ENPP6: variants seen among roughly 807,000 people sequenced by gnomAD.
ENPP6 encodes the protein ectonucleotide pyrophosphatase/phosphodiesterase 6.
A neutral mutation model predicts 42.0 loss-of-function variants in ENPP6; 32 were observed. That is an observed-to-expected ratio of 0.76 (90% confidence interval 0.58 to 1.02). ENPP6 has a LOEUF of 1.02. ENPP6 is among the 50% of genes least tolerant of loss of function. ENPP6 has a pLI of 0.00. For synonymous variants in ENPP6, 213 were observed against 216.0 expected (o/e 0.99, Z 0.12); for missense variants, 552 against 566.8 (o/e 0.97, Z 0.27).
At chr4:184,103,848 C>G (rs1736045144) in intron 6 of ENPP6, among the ~76,000 whole-genome samples, 1 of 152,160 alleles carries the variant, frequency 6.6e-6, no homozygotes, top group Non-Finnish European at 1.5e-5. Flanking sequence ...CAGGCCTCGG[C>G]CTGCTGGCCT....
At chr4:184,145,470 G>A (rs938551776) in intron 2 of ENPP6, among the ~76,000 whole-genome samples, 5 of 152,214 alleles carry the variant, frequency 3.3e-5, no homozygotes, top group Non-Finnish European at 5.9e-5. Context: ...GCAAGGAGAC[G>A]TGATGAAGCC....
intron 3 of ENPP6, among the ~76,000 whole-genome samples, chr4:184,122,634 C>T (rs1023149936): frequency 2.6e-5 from 4 of 152,198 alleles, no homozygotes; most frequent in Non-Finnish European, 5.9e-5. Context: ...ATTCTCATGG[C>T]TGTGTGCTCT....
intron 1 of ENPP6, among the ~76,000 whole-genome samples, chr4:184,210,339 C>A (rs1052145092): frequency 7.2e-6 from 1 of 139,584 alleles, no homozygotes; most frequent in African/African-American, 2.8e-5. Context: ...ATTCAGGAAA[C>A]CCATCTCACG....
chr4:184,180,899 TATC>T (rs757963497), intron 1 of ENPP6, among the ~76,000 whole-genome samples: 2 of 152,192 alleles, frequency 1.3e-5, no homozygotes, highest in Non-Finnish European at 2.9e-5. Flanking sequence ...GCACAGCCAA[TATC>T]ATACTGAATG....
At chr4:184,200,400 G>A (rs1265267514) in intron 1 of ENPP6, among the ~76,000 whole-genome samples, 2 of 152,166 alleles carry the variant, frequency 1.3e-5, no homozygotes, top group African/African-American at 2.4e-5. Flanking sequence ...TGTGGTGCGT[G>A]GAGGCCTCTC....
intron 2 of ENPP6, among the ~76,000 whole-genome samples, chr4:184,130,464 AG>A (rs1736581655): frequency 1.1e-5 from 1 of 88,736 alleles, no homozygotes; most frequent in Non-Finnish European, 2.5e-5. Flanking sequence ...AGGCTGAGGC[AG>A]GAGAATGGCG....
intron 7 of ENPP6, among the ~76,000 whole-genome samples, chr4:184,094,477 A>G (rs1735863392): frequency 6.6e-6 from 1 of 152,250 alleles, no homozygotes; most frequent in African/African-American, 2.4e-5. Flanking sequence ...GCGCAGGGAT[A>G]GTGCTTTGGG....
chr4:184,115,381 G>T (rs1736296023), intron 5 of ENPP6, among the ~76,000 whole-genome samples: 2 of 152,202 alleles, frequency 1.3e-5, no homozygotes, highest in Non-Finnish European at 2.9e-5. Flanking sequence ...CCAGCAGAAG[G>T]TGCCACTTGC....
intron 1 of ENPP6, among the ~76,000 whole-genome samples, chr4:184,185,368 A>G (rs886282689): frequency 6.6e-6 from 1 of 152,216 alleles, no homozygotes; most frequent in African/African-American, 2.4e-5. Context: ...CCCACGGGCA[A>G]CATCTACAAC....
chr4:184,141,087 C>T (rs1034749382), intron 2 of ENPP6, among the ~76,000 whole-genome samples: 7 of 151,900 alleles, frequency 4.6e-5, no homozygotes, highest in African/African-American at 1.7e-4. Flanking sequence ...AGGACATGAA[C>T]AGACACTTCT....
intron 7 of ENPP6, 25 bp downstream of exon 7, chr4:184,097,220 A>T: frequency 6.2e-7 from 1 of 1,613,880 alleles, no homozygotes. Context: ...GGGGTCTGAG[A>T]GCATCTGGTC....
chr4:184,205,698 C>T (rs1417968843), intron 1 of ENPP6, among the ~76,000 whole-genome samples: 1 of 150,708 alleles, frequency 6.6e-6, no homozygotes, highest in Non-Finnish European at 1.5e-5. Flanking sequence ...GGGCAGGCAG[C>T]GAGAGGGAGC....
At position 184,213,991 on chromosome 4, in the gene ENPP6, C is replaced by G. The variant is rs1202737729; in HGVS notation, c.241+3588G>C. On this transcript the variant is annotated intron_variant, in intron 1 of 7. Transcript: ENST00000296741. ...CATTCTCAGTAAACTATCGCAAGAACAAAAAACCAAACACCGCATATTCTC... is the reference window on the plus strand; with the variant it reads ...CATTCTCAGTAAACTATCGCAAGAAGAAAAAACCAAACACCGCATATTCTC... 7.9e-4 allele frequency among the ~76,000 whole-genome samples: 99 copies of G among 125,854 alleles called. 1 individual carries two copies. Among genetic ancestry groups the G allele is most frequent in the Admixed American group, 3.4e-3 (39 of 11,588 alleles). 82.6% of individuals were successfully genotyped at this position (125,854 alleles called of 152,430 possible). A position where few individuals can be genotyped will look rare whatever the true frequency, so the allele number is the denominator to read the frequency against.
intron 1 of ENPP6, among the ~76,000 whole-genome samples, chr4:184,183,266 G>T (rs1219101491): frequency 6.6e-6 from 1 of 152,186 alleles, no homozygotes; most frequent in Non-Finnish European, 1.5e-5. Flanking sequence ...ATTCTATTAG[G>T]CAGACACTGA....
chr4:184,148,925 A>G (rs535443102), intron 2 of ENPP6, among the ~76,000 whole-genome samples: 1 of 152,238 alleles, frequency 6.6e-6, no homozygotes. Flanking sequence ...ATGTGGATGC[A>G]TTCTTCTGGA....
At chr4:184,154,939 T>G (rs533619626) in intron 1 of ENPP6, among the ~76,000 whole-genome samples, 1 of 152,236 alleles carries the variant, frequency 6.6e-6, no homozygotes, top group Admixed American at 6.5e-5. Context: ...CTTACATATA[T>G]AGTCCTATGT....
intron 7 of ENPP6, among the ~76,000 whole-genome samples, chr4:184,094,305 C>T (rs1189509499): frequency 6.6e-6 from 1 of 152,170 alleles, no homozygotes; most frequent in Non-Finnish European, 1.5e-5. Context: ...AAATCCTCTT[C>T]TTTAACACTT....
intron 2 of ENPP6, among the ~76,000 whole-genome samples, chr4:184,134,953 A>G (rs956205223): frequency 1.3e-5 from 2 of 151,364 alleles, no homozygotes; most frequent in Non-Finnish European, 3.0e-5. Context: ...TTTCACAATT[A>G]CTTCTTTGAA....
chr4:184,167,674 T>C (rs1047198861), intron 1 of ENPP6, among the ~76,000 whole-genome samples: 3 of 152,212 alleles, frequency 2.0e-5, no homozygotes, highest in Non-Finnish European at 4.4e-5. Flanking sequence ...TGCTAGAATA[T>C]GTGACGTAGG....
Sources: allele counts gnomAD v4.1 joint callset (sites outside exome capture counted in the v4.1 genomes callset), GRCh38; gene constraint gnomAD v4.1.1; transcripts MANE v1.5; gene names NCBI Gene and HGNC (gene_info 2026-07-23, HGNC 2026-07-21).